Variants in SPTBN4 observed in about 807,000 individuals in gnomAD.
The protein encoded by SPTBN4 is spectrin beta chain, non-erythrocytic 4.
SPTBN4 carries 96 observed loss-of-function variants against 277.8 expected under a neutral mutation model. The observed-to-expected ratio is 0.35, with a 90% confidence interval of 0.29 to 0.41. The LOEUF (loss-of-function observed/expected upper bound fraction) is 0.41, where lower values mean the gene tolerates loss of function less well. Ranked by LOEUF, SPTBN4 falls within the 10% of genes least tolerant of loss-of-function variation. SPTBN4 has a pLI of 1.00. For synonymous variants in SPTBN4, 1,481 were observed against 1,580.3 expected (o/e 0.94, Z 1.49); for missense variants, 3,006 against 3,595.7 (o/e 0.84, Z 4.19).
At chr19:40,567,608 C>A in intron 30 of SPTBN4, 55 bp from the exon 31 acceptor site, 20 of 1,371,220 alleles carry the variant, frequency 1.5e-5, no homozygotes, top group Non-Finnish European at 1.6e-5. Flanking sequence ...GGACCTCCCC[C>A]TTACCCCGCC....
intron 2 of SPTBN4, among the ~76,000 whole-genome samples, chr19:40,478,468 A>G (rs1390623874): frequency 6.6e-6 from 1 of 152,168 alleles, no homozygotes; most frequent in East Asian, 1.9e-4. Flanking sequence ...AATTGAAGGC[A>G]GTGATCTATG....
At chr19:40,534,837 GAC>G (rs1169529869) in intron 20 of SPTBN4, 2 of 169,182 alleles carry the variant, frequency 1.2e-5, no homozygotes, top group Non-Finnish European at 2.6e-5. Context: ...CTGGCCCAAG[GAC>G]ACACAGCTAA....
rs760619214 is a variant in SPTBN4, at chr19:40,570,747, C to T, written c.7319+19C>T. 9 of 1,599,578 alleles carry T rather than the reference C, an allele frequency of 5.6e-6. No individual in the cohort carries two copies. Among genetic ancestry groups the T allele is most frequent in the Non-Finnish European group, 7.7e-6 (9 of 1,173,724 alleles). On this transcript the variant is annotated intron_variant, in intron 33 of 35. Transcript: ENST00000598249. ...CCAACCGGTGAGCGTGTGGGCGGGG[C>T]TTTGGAAGGCGGGTCTCAGGCTCAG...
Position 40,504,136 on chromosome 19 carries a change from CCGGCGGGGGGG to C in SPTBN4, c.1665+8_1665+18del. Reference sequence around the variant, plus strand: ...GGACTGGATGGAGGAGATGCAGGTGCCGGCGGGGGGGCGGGGATGCGGGTGGAGTGCCAGGA... The same window carrying C: ...GGACTGGATGGAGGAGATGCAGGTGCCGGGGATGCGGGTGGAGTGCCAGGA... On this transcript the variant is annotated splice_donor_5th_base_variant and intron_variant, in intron 12 of 35. Transcript: ENST00000598249. 1 of 786,098 alleles carries C rather than the reference CCGGCGGGGGGG, an allele frequency of 1.3e-6. No homozygotes were observed. Among genetic ancestry groups the C allele is most frequent in the Non-Finnish European group, 1.7e-6 (1 of 571,894 alleles). 48.7% of individuals were successfully genotyped at this position (786,098 alleles called of 1,614,324 possible). A position where few individuals can be genotyped will look rare whatever the true frequency, so the allele number is the denominator to read the frequency against.
In SPTBN4 at chr19:40,557,316, C is replaced by T; in HGVS notation, c.5583C>T (p.Thr1861=). The change falls in exon 26 of 36, where the codon ACC becomes ACT. Residue 1861 remains threonine, a synonymous_variant. Transcript: ENST00000598249. ...AGCGGAGGCGGCTGCCCCGCCTGAC[C>T]ACCCCGCCTGAGCCGAGACCCAGTG... The part of the protein sequence containing the change: ...EEKRRRLPRL[T]TPPEPRPSAS... The T allele has an allele frequency of 6.2e-6, 10 of 1,613,358 alleles. No homozygotes were observed. The highest frequency in any genetic ancestry group is 8.5e-6 in the Non-Finnish European group (10 of 1,179,820).
chr19:40,531,290 A>C (rs1462207594), intron 18 of SPTBN4, among the ~76,000 whole-genome samples: 2 of 151,836 alleles, frequency 1.3e-5, no homozygotes, highest in Non-Finnish European at 2.9e-5. Flanking sequence ...TGGGGGGTTC[A>C]GCACTGGACT....
chr19:40,508,373 G>A (rs1272438560), intron 13 of SPTBN4, among the ~76,000 whole-genome samples: 1 of 152,202 alleles, frequency 6.6e-6, no homozygotes, highest in Non-Finnish European at 1.5e-5. Flanking sequence ...ATGGGGAGCT[G>A]TGGGGCTTCT....
intron 29 of SPTBN4, among the ~76,000 whole-genome samples, chr19:40,565,959 C>CATTA (rs1368782454): frequency 3.9e-5 from 6 of 151,964 alleles, no homozygotes; most frequent in African/African-American, 1.5e-4. Flanking sequence ...GGTGGGGGGA[C>CATTA]ATTAAGGAAG....
In SPTBN4 at chr19:40,519,441, G is replaced by A. The variant is rs1294813472; in HGVS notation, c.2944G>A (p.Glu982Lys). The change falls in exon 16 of 36, where the codon GAA becomes AAA. Residue 982 changes from glutamate to lysine, a missense_variant. By Grantham distance (56) the Glu-to-Lys change is moderately conservative. Transcript: ENST00000598249. The surrounding 1 kb of genome is among the most constrained non-coding windows in gnomAD (Gnocchi z 5.7). ...IVELVEQRKE[E>K]MSAVLLVENH... ...GGAGCTAGTGGAACAGCGCAAAGAG[G>A]AAATGAGCGCGGTGCTGCTGGTGGA... The A allele has an allele frequency of 6.2e-7, 1 of 1,601,766 alleles. No individual in the cohort carries two copies. The highest frequency in any genetic ancestry group is 8.5e-7 in the Non-Finnish European group (1 of 1,175,752).
chr19:40,504,678 A>G (rs898236936), intron 12 of SPTBN4, among the ~76,000 whole-genome samples: 1 of 150,760 alleles, frequency 6.6e-6, no homozygotes, highest in African/African-American at 2.4e-5. Flanking sequence ...CAAAAAAAAA[A>G]ACAAAAAAAA....
In SPTBN4 at chr19:40,512,826, G is replaced by T. The variant is rs746083095; in HGVS notation, c.2037G>T (p.Ala679=). 1 of 1,450,842 alleles carries T rather than the reference G, an allele frequency of 6.9e-7. No individual in the cohort carries two copies. Among genetic ancestry groups the T allele is most frequent in the Non-Finnish European group, 9.0e-7 (1 of 1,115,116 alleles). The allele number at this position is 1,450,842 out of a possible 1,614,324, so 89.9% of individuals were successfully genotyped here. ...AAGGGGAAGA[A]GAAGTAGGAH... is the part of the protein sequence containing the mutation. ...GCGGCGGCGGTGCGGCGGGCGCAGC[G>T]GGCGCAGCGGGAACAGCGGGCGGCG... is the stretch of plus-strand genomic sequence containing the variant. The change falls in exon 14 of 36, where the codon GCG becomes GCT. Residue 679 remains alanine (A), a synonymous_variant. Transcript: ENST00000598249.
Position 40,487,814 on chromosome 19 carries a change from C to A in SPTBN4, c.287C>A (p.Thr96Lys). 1 of 1,610,166 alleles carries A rather than the reference C, an allele frequency of 6.2e-7. No individual in the cohort carries two copies. Among genetic ancestry groups the A allele is most frequent in the Non-Finnish European group, 8.5e-7 (1 of 1,178,284 alleles). The change falls in exon 3 of 36, where the codon ACG becomes AAG. Residue 96 changes from threonine to lysine, a missense_variant. By Grantham distance (78) the Thr-to-Lys change is moderately conservative (BLOSUM62 -1). Coordinates refer to ENST00000598249, the MANE Select transcript of SPTBN4 (RefSeq NM_020971.3). Reference sequence around the variant, plus strand: ...GACCTCCGGGACGGCTTCGTGCTCACGCGGCTCCTGGAAGTGCTGTCTGGG... The same window carrying A: ...GACCTCCGGGACGGCTTCGTGCTCAAGCGGCTCCTGGAAGTGCTGTCTGGG... ...YVDLRDGFVL[T>K]RLLEVLSGEQ... is the part of the protein sequence containing the mutation.
chr19:40,550,144 G>A, intron 21 of SPTBN4, 94 bp from the exon 22 acceptor site: 1 of 990,720 alleles, frequency 1.0e-6, no homozygotes, highest in Non-Finnish European at 1.5e-6. Flanking sequence ...AGGCAAGGAA[G>A]GGCCTGGGAT....
chr19:40,546,477 A>C (rs1487484037), intron 20 of SPTBN4, among the ~76,000 whole-genome samples: 1 of 152,116 alleles, frequency 6.6e-6, no homozygotes, highest in African/African-American at 2.4e-5. Context: ...TAGGCTTTCA[A>C]GAATATAGCA....
chr19:40,501,446 A>G (rs2080262238), intron 7 of SPTBN4, among the ~76,000 whole-genome samples: 1 of 152,084 alleles, frequency 6.6e-6, no homozygotes. Flanking sequence ...AGGTGGGCGG[A>G]TCACCTGAGG....
At chr19:40,553,279 A>G (rs898651) in intron 22 of SPTBN4, among the ~76,000 whole-genome samples, 67,419 of 152,140 alleles carry the variant, frequency 0.44, 15,783 homozygotes, top group African/African-American at 0.5. Context: ...CAGGACTTCA[A>G]GACCAGCCTG....
At position 40,557,421 on chromosome 19, in the gene SPTBN4, A is replaced by T; in HGVS notation, c.5670+18A>T. 1 of 1,542,872 alleles carries T rather than the reference A, an allele frequency of 6.5e-7. No homozygotes were observed. The highest frequency in any genetic ancestry group is 1.2e-5 in the South Asian group (1 of 80,412). On this transcript the variant is annotated intron_variant, in intron 26 of 35. Transcript: ENST00000598249. ...TGTCCCAGGTGGGGCGCCGGTGGCC[A>T]TCAGGGCAGGTGGGAGGGCCTGGAC... is the stretch of plus-strand genomic sequence containing the variant.
At chr19:40,566,111 C>G (rs1283287451) in intron 29 of SPTBN4, 52 bp from the exon 30 acceptor site, 1 of 1,449,896 alleles carries the variant, frequency 6.9e-7, no homozygotes, top group Admixed American at 2.7e-5. Context: ...CCATTGCCCC[C>G]AGGAAGGGCC....
chr19:40,520,152 G>A lies in SPTBN4; in HGVS notation c.3654+1G>A. ...GGCGCTCGTGGTGCTGCGTAACCAG[G>A]TGCCCACTCGGGGTGTACATTTCGG... is the stretch of plus-strand genomic sequence containing the variant. On this transcript the variant is annotated splice_donor_variant, in intron 16 of 35. Transcript: ENST00000598249. LOFTEE classifies it high-confidence loss of function. 7.1e-7 allele frequency: 1 copy of A among 1,417,286 alleles called. No individual in the cohort carries two copies. The highest frequency in any genetic ancestry group is 9.2e-7 in the Non-Finnish European group (1 of 1,085,722). The allele number at this position is 1,417,286 out of a possible 1,614,324, so 87.8% of individuals were successfully genotyped here.
Sources: allele counts gnomAD v4.1 joint callset (sites outside exome capture counted in the v4.1 genomes callset), GRCh38; gene constraint gnomAD v4.1.1; non-coding constraint Gnocchi (gnomAD v3.1); transcripts MANE v1.5; gene names NCBI Gene and HGNC (gene_info 2026-07-23, HGNC 2026-07-21).